KIAA0232: variants seen among roughly 807,000 people sequenced by gnomAD.
KIAA0232 encodes uncharacterized protein KIAA0232.
In KIAA0232, 27 loss-of-function variants were observed where a neutral mutation model predicts 122.0. The ratio of observed to expected loss-of-function variants is 0.22; its 90% CI spans 0.16 to 0.31. The LOEUF (loss-of-function observed/expected upper bound fraction) is 0.31. KIAA0232 is among the 10% of genes least tolerant of loss of function. The probability of loss-of-function intolerance (pLI) is 1.00; values close to 1 mark genes in which losing one functional copy is unlikely to be tolerated. For missense variants in KIAA0232, 1,551 were observed against 1,634.2 expected, an observed-to-expected ratio of 0.95 and a Z score of 0.88; for synonymous variants, 613 against 587.6, an observed-to-expected ratio of 1.04 and a Z score of -0.63.
Position 6,782,837 on chromosome 4 carries a change from G to A in KIAA0232, c.-358G>A, listed in dbSNP as rs1716403876. 6.7e-6 allele frequency: 1 copy of A among 148,768 alleles called. No individual in the cohort carries two copies. Among genetic ancestry groups the A allele is most frequent in the African/African-American group, 2.4e-5 (1 of 41,068 alleles). 9.2% of individuals were successfully genotyped at this position (148,768 alleles called of 1,614,324 possible). ...GGCCGCCGCGCCGCCCGGCAGCCTCGGCAGGTACTGCGGGCAGGCGGCGGG... is the reference window on the plus strand; with the variant it reads ...GGCCGCCGCGCCGCCCGGCAGCCTCAGCAGGTACTGCGGGCAGGCGGCGGG... On this transcript the variant is annotated 5_prime_UTR_variant, in exon 1 of 10. Transcript: ENST00000307659.
At chr4:6,871,295 A>G (rs1429327669) in intron 7 of KIAA0232, among the ~76,000 whole-genome samples, 1 of 151,950 alleles carries the variant, frequency 6.6e-6, no homozygotes. Context: ...TGAGCCAGAC[A>G]TGGTGGTTCC....
At position 6,862,189 on chromosome 4, in the gene KIAA0232, G is replaced by GGGGAGAGTT; in HGVS notation, c.1808_1816dup (p.Ser605_Phe606insTrpGluSer). The GGGGAGAGTT allele has an allele frequency of 6.2e-7, 1 of 1,614,150 alleles. No homozygotes were observed. Among genetic ancestry groups the GGGGAGAGTT allele is most frequent in the East Asian group, 2.2e-5 (1 of 44,882 alleles). On this transcript the variant is annotated inframe_insertion, in exon 7 of 10. Coordinates refer to ENST00000307659, the MANE Select transcript of KIAA0232 (RefSeq NM_014743.3). The stretch of plus-strand genomic sequence containing the variant: ...TTCATCCAGCTCCGGTGATGCTGAT[G>GGGGAGAGTT]GGGAGAGTTTTGGAGGAGACTCTCC...
intron 7 of KIAA0232, among the ~76,000 whole-genome samples, chr4:6,868,336 A>G (rs1412469272): frequency 1.3e-5 from 2 of 152,234 alleles, no homozygotes; most frequent in Non-Finnish European, 2.9e-5. Context: ...GCTGGGAATA[A>G]GTAACAAAGC....
intron 2 of KIAA0232, among the ~76,000 whole-genome samples, chr4:6,813,059 T>A (rs570883097): frequency 6.6e-6 from 1 of 152,308 alleles, no homozygotes; most frequent in Admixed American, 6.5e-5. Context: ...TTATAGCTTA[T>A]AAGAAATGCT....
intron 4 of KIAA0232, among the ~76,000 whole-genome samples, chr4:6,848,262 C>G (rs1273891959): frequency 6.6e-6 from 1 of 152,186 alleles, no homozygotes; most frequent in African/African-American, 2.4e-5. Context: ...TATTTATATG[C>G]TGTACAGGGT....
chr4:6,816,175 G>T (rs1276086026), intron 2 of KIAA0232, among the ~76,000 whole-genome samples: 1 of 151,944 alleles, frequency 6.6e-6, no homozygotes, highest in Non-Finnish European at 1.5e-5. Flanking sequence ...TGTATCCTCT[G>T]GGTTTGATGT....
rs1423754350 is a variant in KIAA0232 at position 6,858,468 on chromosome 4, G to A, written c.480G>A (p.Glu160=). 6.2e-7 allele frequency: 1 copy of A among 1,608,886 alleles called. No individual in the cohort carries two copies. Among genetic ancestry groups the A allele is most frequent in the Non-Finnish European group, 8.5e-7 (1 of 1,177,786 alleles). Residue 160 remains glutamate (E), a synonymous_variant, in exon 6 of 10, where the codon GAG becomes GAA. Transcript: ENST00000307659. ...AGTTAGAGGGGTCTCCCTCTCCAGA[G>A]GCAGAATTATCCCCTCCAGCAAAGG... is the stretch of plus-strand genomic sequence containing the variant. ...HKKLEGSPSP[E]AELSPPAKDQ...
At chr4:6,791,033 C>T (rs1166853661) in intron 1 of KIAA0232, among the ~76,000 whole-genome samples, 2 of 150,270 alleles carry the variant, frequency 1.3e-5, no homozygotes, top group Admixed American at 6.7e-5. Context: ...ATTCTCCTGC[C>T]TTGGCCTCCT....
At chr4:6,837,858 G>T (rs1423950811) in intron 3 of KIAA0232, among the ~76,000 whole-genome samples, 2 of 152,132 alleles carry the variant, frequency 1.3e-5, no homozygotes, top group East Asian at 3.9e-4. Context: ...AGCCGAGATG[G>T]CGGCAGCACA....
intron 1 of KIAA0232, among the ~76,000 whole-genome samples, chr4:6,797,664 G>A (rs892647868): frequency 6.6e-6 from 1 of 151,730 alleles, no homozygotes; most frequent in African/African-American, 2.4e-5. Flanking sequence ...TACCTGGGAG[G>A]CTGAGGTGGT....
intron 2 of KIAA0232, among the ~76,000 whole-genome samples, chr4:6,808,454 G>A (rs1326050358): frequency 6.9e-6 from 1 of 145,758 alleles, no homozygotes; most frequent in Non-Finnish European, 1.5e-5. Context: ...GAGAGTTCAA[G>A]CATGACTTGC....
chr4:6,854,666 A>T (rs1252033410), intron 4 of KIAA0232, among the ~76,000 whole-genome samples: 2 of 152,188 alleles, frequency 1.3e-5, no homozygotes, highest in Non-Finnish European at 2.9e-5. Flanking sequence ...AGTGTTTTAC[A>T]TGTGTTGGAT....
intron 2 of KIAA0232, among the ~76,000 whole-genome samples, chr4:6,817,466 C>T (rs1040345039): frequency 2.0e-5 from 3 of 152,260 alleles, no homozygotes; most frequent in East Asian, 3.9e-4. Context: ...CCGCCTGCCT[C>T]GGCCTCCCAA....
intron 4 of KIAA0232, among the ~76,000 whole-genome samples, chr4:6,852,686 A>C (rs1415566218): frequency 6.6e-6 from 1 of 152,212 alleles, no homozygotes; most frequent in Non-Finnish European, 1.5e-5. Flanking sequence ...CTATTTACCC[A>C]CAATTCTGTG....
In KIAA0232 at chr4:6,794,633, G is replaced by C. The variant is rs1717051506; in HGVS notation, c.-353-9890G>C. ...TTGAGCAGAGACCTGAAGAGGAAGAGAGAAAGATGTGGAGATACCTGAGGA... is the reference window on the plus strand; with the variant it reads ...TTGAGCAGAGACCTGAAGAGGAAGACAGAAAGATGTGGAGATACCTGAGGA... On this transcript the variant is annotated intron_variant, in intron 1 of 9. Coordinates refer to ENST00000307659, the MANE Select transcript of KIAA0232 (RefSeq NM_014743.3). 3.3e-5 allele frequency among the ~76,000 whole-genome samples: 5 copies of C among 152,286 alleles called. No homozygotes were observed. In the South Asian group the frequency reaches 1.0e-3, roughly 32 times the overall value.
intron 5 of KIAA0232, among the ~76,000 whole-genome samples, chr4:6,857,922 C>T (rs770496578): frequency 2.0e-5 from 3 of 152,170 alleles, no homozygotes; most frequent in Admixed American, 6.5e-5. Context: ...AAGGCAGTAT[C>T]CTAGGCTAAA....
chr4:6,810,428 C>A lies in KIAA0232; in HGVS notation c.-270+5822C>A, dbSNP rs572508621. On this transcript the variant is annotated intron_variant, in intron 2 of 9. Transcript: ENST00000307659. ...TCTCACCATATACAAAAAATCAACT[C>A]AAGATGGATTAAAGACTTAAACGTT... is the stretch of plus-strand genomic sequence containing the variant. Among the ~76,000 whole-genome samples, 64 of 152,218 alleles carry A rather than the reference C, an allele frequency of 4.2e-4. No individual in the cohort carries two copies. In the South Asian group the frequency reaches 5.2e-3, roughly 12 times the overall value.
At chr4:6,791,827 G>T (rs1716907243) in intron 1 of KIAA0232, among the ~76,000 whole-genome samples, 1 of 152,160 alleles carries the variant, frequency 6.6e-6, no homozygotes, top group African/African-American at 2.4e-5. Flanking sequence ...GATTGATACG[G>T]GTTGGCTGTG....
chr4:6,875,460 C>T (rs1401613301), intron 8 of KIAA0232, among the ~76,000 whole-genome samples: 1 of 152,202 alleles, frequency 6.6e-6, no homozygotes, highest in Admixed American at 6.5e-5. Flanking sequence ...GTTCTTGGAG[C>T]CGTCAGAGAG....
Sources: allele counts gnomAD v4.1 joint callset (sites outside exome capture counted in the v4.1 genomes callset), GRCh38; gene constraint gnomAD v4.1.1; transcripts MANE v1.5; gene names NCBI Gene and HGNC (gene_info 2026-07-23, HGNC 2026-07-21).